PPP4R4: variants seen among roughly 807,000 people sequenced by gnomAD.
PPP4R4 encodes serine/threonine-protein phosphatase 4 regulatory subunit 4.
A neutral mutation model predicts 121.8 loss-of-function variants in PPP4R4; 70 were observed. The observed-to-expected ratio is 0.57, with a 90% CI of 0.47 to 0.70. The LOEUF is 0.70. Among genes scored for constraint, PPP4R4 ranks in the 30% least tolerant of loss-of-function variants. PPP4R4 has a pLI of 0.00. For missense variants in PPP4R4, 875 were observed against 1,033.6 expected (o/e 0.85, Z 2.10); for synonymous variants, 348 against 355.7 (o/e 0.98, Z 0.24).
intron 3 of PPP4R4, among the ~76,000 whole-genome samples, chr14:94,224,010 T>C (rs1355097848): frequency 1.3e-5 from 2 of 152,226 alleles, no homozygotes; most frequent in Non-Finnish European, 2.9e-5. Flanking sequence ...AATTTACACT[T>C]CTAGTTCTTA....
intron 3 of PPP4R4, among the ~76,000 whole-genome samples, chr14:94,218,111 G>C (rs1284220014): frequency 6.6e-6 from 1 of 152,126 alleles, no homozygotes; most frequent in Non-Finnish European, 1.5e-5. Context: ...CTTGAAAATA[G>C]AAACTATCCA....
rs975536560 is a variant in PPP4R4, at chr14:94,174,732, C to T, written c.117+150C>T. 3.7e-5 allele frequency: 52 copies of T among 1,398,616 alleles called. No individual in the cohort carries two copies. The African/African-American group carries it at 6.0e-4, about 16-fold the overall frequency. 86.6% of individuals were successfully genotyped at this position (1,398,616 alleles called of 1,614,324 possible). ...GGCCGGCCCCTCCTCCTCCACCCCT[C>T]TTGCCGTGTCGCCCTAAGCCAGTTC... On this transcript the variant is annotated intron_variant, in intron 1 of 24. Coordinates refer to ENST00000304338, the MANE Select transcript of PPP4R4 (RefSeq NM_058237.2).
chr14:94,207,978 A>G (rs950083595), intron 2 of PPP4R4, among the ~76,000 whole-genome samples: 13 of 151,924 alleles, frequency 8.6e-5, no homozygotes, highest in African/African-American at 2.9e-4. Flanking sequence ...ATGGAGTCAA[A>G]TCTAGTGTAA....
intron 3 of PPP4R4, among the ~76,000 whole-genome samples, chr14:94,217,317 TG>T (rs1566663727): frequency 6.6e-6 from 1 of 152,176 alleles, no homozygotes; most frequent in East Asian, 1.9e-4. Flanking sequence ...TGAAACCTGT[TG>T]TGCTGTGATT....
chr14:94,201,899 A>G (rs543577455), intron 2 of PPP4R4, among the ~76,000 whole-genome samples: 42 of 150,974 alleles, frequency 2.8e-4, no homozygotes, highest in African/African-American at 9.4e-4. Context: ...CCAAATGCCC[A>G]TCAGTCAATG....
rs147825875 is a variant in PPP4R4, at chr14:94,180,180, C to T, written c.191+4053C>T. 5.2e-3 allele frequency among the ~76,000 whole-genome samples: 794 copies of T among 152,254 alleles called. 2 individuals carry two copies. Among genetic ancestry groups the T allele is most frequent in the Middle Eastern group, 0.014 (4 of 294 alleles). On this transcript the variant is annotated intron_variant, in intron 2 of 24. Transcript: ENST00000304338. ...TTTCCCTTTCCCTACTTCCTTGCTA[C>T]TTAGGTGCTCAAGTTACATTTAAAA... is the stretch of plus-strand genomic sequence containing the variant.
At position 94,239,267 on chromosome 14, in the gene PPP4R4, T is replaced by A. The variant is rs553583067; in HGVS notation, c.854-1406T>A. 8.6e-5 allele frequency among the ~76,000 whole-genome samples: 13 copies of A among 151,830 alleles called. No individual in the cohort carries two copies. In the East Asian group the frequency reaches 2.5e-3, roughly 29 times the overall value. The stretch of plus-strand genomic sequence containing the variant: ...ACGACGTGCAGGTTTGTTACATATG[T>A]ATACATGTGCCATGTTGGTGTGCTG... On this transcript the variant is annotated intron_variant, in intron 8 of 24. Coordinates refer to ENST00000304338, the MANE Select transcript of PPP4R4 (RefSeq NM_058237.2).
intron 11 of PPP4R4, 116 bp downstream of exon 11, chr14:94,242,524 A>G: frequency 9.6e-7 from 1 of 1,043,040 alleles, no homozygotes; most frequent in African/African-American, 1.6e-5. Flanking sequence ...TTCATGTTCT[A>G]GTCTTAAATC....
chr14:94,180,427 T>C (rs1357646384), intron 2 of PPP4R4, among the ~76,000 whole-genome samples: 2 of 152,140 alleles, frequency 1.3e-5, no homozygotes, highest in African/African-American at 4.8e-5. Flanking sequence ...CTAAGTAATA[T>C]TTGCTATTAT....
At chr14:94,235,948 A>G (rs1015806214) in intron 7 of PPP4R4, among the ~76,000 whole-genome samples, 2 of 152,208 alleles carry the variant, frequency 1.3e-5, no homozygotes, top group African/African-American at 4.8e-5. Context: ...ACAAGCTAGG[A>G]CAATCAGATT....
At chr14:94,174,620 G>A (rs759247293) in intron 1 of PPP4R4, 38 bp downstream of exon 1, 8 of 1,602,290 alleles carry the variant, frequency 5.0e-6, no homozygotes, top group South Asian at 2.2e-5. Context: ...CACGGCGTCC[G>A]GCCGCCTGCC....
rs142712934 is a variant in PPP4R4 at position 94,193,592 on chromosome 14, T to C, written c.192-14872T>C. ...AGTAAGGTTATTGGCGAGAATCTAA[T>C]TGAAATAATAGGGAGGTTCAGGCTG... On this transcript the variant is annotated intron_variant, in intron 2 of 24. Coordinates refer to ENST00000304338, the MANE Select transcript of PPP4R4 (RefSeq NM_058237.2). Among the ~76,000 whole-genome samples, 259 of 152,226 alleles carry C rather than the reference T, an allele frequency of 1.7e-3. 1 individual carries two copies. The highest frequency in any genetic ancestry group is 5.8e-3 in the African/African-American group (242 of 41,552).
At chr14:94,243,944 A>C (rs1477992271) in intron 11 of PPP4R4, among the ~76,000 whole-genome samples, 4 of 151,728 alleles carry the variant, frequency 2.6e-5, no homozygotes, top group African/African-American at 9.7e-5. Context: ...TAGAGCAAAG[A>C]ATTTTAAAAC....
At chr14:94,258,146 A>G (rs1893577204) in intron 17 of PPP4R4, among the ~76,000 whole-genome samples, 1 of 152,188 alleles carries the variant, frequency 6.6e-6, no homozygotes, top group African/African-American at 2.4e-5. Flanking sequence ...TATGTTTGTC[A>G]TGGATAGCTT....
At chr14:94,181,573 A>C (rs1220717983) in intron 2 of PPP4R4, among the ~76,000 whole-genome samples, 1 of 152,144 alleles carries the variant, frequency 6.6e-6, no homozygotes, top group Admixed American at 6.5e-5. Context: ...AAAGTTTGAA[A>C]TTCTCCTTCT....
At chr14:94,179,235 C>A (rs1888843561) in intron 2 of PPP4R4, among the ~76,000 whole-genome samples, 1 of 152,108 alleles carries the variant, frequency 6.6e-6, no homozygotes, top group Non-Finnish European at 1.5e-5. Flanking sequence ...CAGTACCAAC[C>A]CTCTCAGCCT....
At chr14:94,236,214 AT>A (rs1177119830) in intron 7 of PPP4R4, among the ~76,000 whole-genome samples, 1 of 152,204 alleles carries the variant, frequency 6.6e-6, no homozygotes, top group African/African-American at 2.4e-5. Flanking sequence ...CCCAGAGATA[AT>A]TAAGTTGAAT....
chr14:94,225,912 C>CT (rs1555355554), intron 3 of PPP4R4, among the ~76,000 whole-genome samples: 2 of 151,672 alleles, frequency 1.3e-5, no homozygotes, highest in Non-Finnish European at 2.9e-5. Context: ...TCCATGGCTG[C>CT]TTTTTTTTCT....
At chr14:94,212,591 T>C (rs1052172738) in intron 3 of PPP4R4, among the ~76,000 whole-genome samples, 28 of 152,122 alleles carry the variant, frequency 1.8e-4, no homozygotes, top group Non-Finnish European at 3.8e-4. Flanking sequence ...TAAAATATAG[T>C]TTTTACCATA....
Sources: gnomAD v4.1 joint callset for allele counts (sites outside exome capture counted in the v4.1 genomes callset) on GRCh38, gnomAD v4.1.1 for gene constraint, MANE v1.5 for transcripts, NCBI Gene and HGNC (gene_info 2026-07-23, HGNC 2026-07-21) for gene names.